The following PDE4D variants were observed in gnomAD, a reference collection of about 807,000 sequenced individuals.
PDE4D encodes the protein phosphodiesterase 4D.
A neutral mutation model predicts 87.4 loss-of-function variants in PDE4D; 24 were observed. The observed-to-expected ratio is 0.27, with a 90% CI of 0.20 to 0.39. PDE4D has a LOEUF of 0.39. PDE4D is among the 10% of genes least tolerant of loss of function. The pLI is 1.00. For missense variants in PDE4D, 714 were observed against 1,041.0 expected (o/e 0.69, Z 4.32); for synonymous variants, 384 against 383.2 (o/e 1.00, Z -0.02).
intron 1 of PDE4D, among the ~76,000 whole-genome samples, chr5:59,246,849 A>G (rs26689): frequency 0.21 from 31,297 of 152,134 alleles, 3,529 homozygotes; most frequent in Non-Finnish European, 0.25. Context: ...CTATTTTACT[A>G]CTTTGTCAGA....
chr5:60,474,105 C>CATAT (rs1158022321), intron 1 of PDE4D, among the ~76,000 whole-genome samples: 2,054 of 30,342 alleles, frequency 0.068, 134 homozygotes, highest in Middle Eastern at 0.11. Flanking sequence ...TTTGAGCTGC[C>CATAT]ATATATATAT....
chr5:60,217,677 T>C lies in PDE4D; in HGVS notation c.-89-31990A>G, dbSNP rs948512547. 2.0e-5 allele frequency among the ~76,000 whole-genome samples: 3 copies of C among 151,634 alleles called. No homozygotes were observed. The East Asian group carries it at 5.8e-4, about 29-fold the overall frequency. On this transcript the variant is annotated intron_variant, in intron 1 of 16. Coordinates refer to the PDE4D transcript ENST00000502484. ...TTAATTTGATTTTTTTACATATTTA[T>C]CAGAATACATAAAGAACAAATCAAA...
At chr5:60,176,233 TG>T (rs1362412843) in intron 2 of PDE4D, among the ~76,000 whole-genome samples, 1 of 152,154 alleles carries the variant, frequency 6.6e-6, no homozygotes, top group Non-Finnish European at 1.5e-5. Context: ...ACATGACATC[TG>T]GTGGTGTCTA....
At chr5:60,300,369 G>GT (rs199960743) in intron 1 of PDE4D, among the ~76,000 whole-genome samples, 12,627 of 151,280 alleles carry the variant, frequency 0.083, 1,714 homozygotes, top group African/African-American at 0.29. Flanking sequence ...TCTGATGATA[G>GT]TTTTTTTTTG....
chr5:60,167,025 T>C (rs1421365381), intron 2 of PDE4D, among the ~76,000 whole-genome samples: 1 of 152,158 alleles, frequency 6.6e-6, no homozygotes, highest in African/African-American at 2.4e-5. Context: ...ATGTATTGAA[T>C]AGTCTTATTT....
chr5:59,951,611 A>G (rs1333716392), intron 3 of PDE4D, among the ~76,000 whole-genome samples: 1 of 152,184 alleles, frequency 6.6e-6, no homozygotes, highest in Admixed American at 6.5e-5. Context: ...AGTCTTTGCA[A>G]TGACATTTAG....
intron 1 of PDE4D, among the ~76,000 whole-genome samples, chr5:59,694,785 G>A (rs1279961938): frequency 6.6e-6 from 1 of 152,172 alleles, no homozygotes; most frequent in Non-Finnish European, 1.5e-5. Flanking sequence ...AATGTATACT[G>A]TATCCCTATG....
At chr5:59,277,895 C>T (rs1425213377) in intron 1 of PDE4D, among the ~76,000 whole-genome samples, 1 of 152,120 alleles carries the variant, frequency 6.6e-6, no homozygotes, top group Non-Finnish European at 1.5e-5. Context: ...ACTTATTGGG[C>T]ATCTACTAAA....
At chr5:60,319,897 G>C (rs917226577) in intron 1 of PDE4D, among the ~76,000 whole-genome samples, 1 of 152,214 alleles carries the variant, frequency 6.6e-6, no homozygotes, top group Non-Finnish European at 1.5e-5. Flanking sequence ...GCCCCTACTG[G>C]GGGGTACCTC....
At chr5:59,556,665 G>GT (rs1818976569) in intron 1 of PDE4D, among the ~76,000 whole-genome samples, 1 of 152,084 alleles carries the variant, frequency 6.6e-6, no homozygotes, top group Non-Finnish European at 1.5e-5. Context: ...TGGCCACCAC[G>GT]TAACTATGAG....
chr5:59,794,557 T>C (rs113311036), intron 1 of PDE4D, among the ~76,000 whole-genome samples: 2,993 of 152,182 alleles, frequency 0.02, 43 homozygotes, highest in South Asian at 0.042. Context: ...GACCTATAAA[T>C]GTTTACTGTA....
chr5:59,679,362 T>G (rs1398276533), intron 1 of PDE4D, among the ~76,000 whole-genome samples: 1 of 152,192 alleles, frequency 6.6e-6, no homozygotes, highest in Non-Finnish European at 1.5e-5. Context: ...TTTATTTTAT[T>G]TTATTAGTTT....
intron 1 of PDE4D, among the ~76,000 whole-genome samples, chr5:60,479,147 G>A (rs767185015): frequency 3.3e-5 from 5 of 152,104 alleles, no homozygotes; most frequent in African/African-American, 7.2e-5. Context: ...ATCTTACAGC[G>A]TTGGGGAGGG....
chr5:60,200,286 G>A (rs1293356534), intron 1 of PDE4D, among the ~76,000 whole-genome samples: 2 of 151,718 alleles, frequency 1.3e-5, no homozygotes, highest in East Asian at 3.9e-4. Flanking sequence ...TACATGGCTA[G>A]TAAGTATAAA....
intron 1 of PDE4D, among the ~76,000 whole-genome samples, chr5:60,261,495 T>G (rs1183606156): frequency 6.6e-6 from 1 of 152,160 alleles, no homozygotes; most frequent in African/African-American, 2.4e-5. Context: ...CATTTAACTT[T>G]TAATTAAAAT....
chr5:59,211,284 G>A (rs937892368), intron 2 of PDE4D, among the ~76,000 whole-genome samples: 8 of 152,068 alleles, frequency 5.3e-5, no homozygotes, highest in Admixed American at 6.5e-5. Flanking sequence ...ATTGTGTGAC[G>A]GTCTCTGAGC....
At chr5:60,094,281 AAC>A (rs1775439074) in intron 2 of PDE4D, among the ~76,000 whole-genome samples, 1 of 152,214 alleles carries the variant, frequency 6.6e-6, no homozygotes, top group South Asian at 2.1e-4. Flanking sequence ...AAACATCAAA[AAC>A]AAAGTTGAAG....
At chr5:60,300,922 C>T (rs1445536787) in intron 1 of PDE4D, among the ~76,000 whole-genome samples, 1 of 152,082 alleles carries the variant, frequency 6.6e-6, no homozygotes, top group Admixed American at 6.6e-5. Context: ...AGGTGCATGC[C>T]ACCACACCTG....
intron 3 of PDE4D, among the ~76,000 whole-genome samples, chr5:59,951,019 T>G (rs755995023): frequency 1.3e-5 from 2 of 152,162 alleles, no homozygotes; most frequent in East Asian, 3.8e-4. Context: ...TACTACATGC[T>G]AGGCATGATT....
Sources: gnomAD v4.1 joint callset for allele counts (sites outside exome capture counted in the v4.1 genomes callset) on GRCh38, gnomAD v4.1.1 for gene constraint, MANE v1.5 for transcripts, NCBI Gene and HGNC (gene_info 2026-07-23, HGNC 2026-07-21) for gene names.